Variants in SYCP1 observed in about 807,000 individuals in gnomAD.
SYCP1 encodes cancer/testis antigen 8.
Under a neutral mutation model 153.1 loss-of-function variants are expected in SYCP1, and 64 were observed. The observed-to-expected ratio is 0.42, with a 90% CI of 0.34 to 0.51. The LOEUF (loss-of-function observed/expected upper bound fraction) is 0.51. Ranked by LOEUF, SYCP1 falls within the 20% of genes least tolerant of loss-of-function variation. The probability of loss-of-function intolerance (pLI) is 0.06; values close to 1 mark genes in which losing one functional copy is unlikely to be tolerated. For missense variants in SYCP1, 997 were observed against 1,049.0 expected (o/e 0.95, Z 0.68); for synonymous variants, 384 against 341.8 (o/e 1.12, Z -1.36).
intron 6 of SYCP1, 84 bp from the exon 7 acceptor site, chr1:114,859,659 A>G (rs1664247813): frequency 4.1e-6 from 3 of 725,078 alleles, no homozygotes; most frequent in Middle Eastern, 2.9e-4. Context: ...GTGTATTAGT[A>G]AAGAAATACT....
chr1:114,930,516 G>C (rs896054252), intron 23 of SYCP1, among the ~76,000 whole-genome samples: 2 of 151,918 alleles, frequency 1.3e-5, no homozygotes, highest in African/African-American at 4.8e-5. Context: ...AGATAAGAAA[G>C]GGGGGACTGT....
At chr1:114,920,058 T>C (rs1263764400) in intron 20 of SYCP1, among the ~76,000 whole-genome samples, 2 of 152,008 alleles carry the variant, frequency 1.3e-5, no homozygotes, top group African/African-American at 4.8e-5. Flanking sequence ...CTTCTTTTTG[T>C]AGTTTTTTAA....
At chr1:114,976,567 C>T (rs1672803915) in intron 27 of SYCP1, among the ~76,000 whole-genome samples, 1 of 130,502 alleles carries the variant, frequency 7.7e-6, no homozygotes, top group Non-Finnish European at 1.8e-5. Context: ...CCCGTCTGTC[C>T]TCTAGAAGCC....
intron 16 of SYCP1, among the ~76,000 whole-genome samples, chr1:114,904,263 C>T (rs1390755584): frequency 6.6e-6 from 1 of 151,850 alleles, no homozygotes; most frequent in Non-Finnish European, 1.5e-5. Flanking sequence ...ACTACAGGTG[C>T]CCACCACCAC....
chr1:114,944,503 AT>A, intron 24 of SYCP1, 48 bp downstream of exon 24: 2 of 1,087,346 alleles, frequency 1.8e-6, no homozygotes, highest in Non-Finnish European at 2.6e-6. Context: ...AAAAATCTAT[AT>A]TTTTATTAGG....
At chr1:114,898,291 A>C (rs1667190918) in intron 16 of SYCP1, among the ~76,000 whole-genome samples, 1 of 152,214 alleles carries the variant, frequency 6.6e-6, no homozygotes, top group Admixed American at 6.5e-5. Context: ...GTCTTATGAC[A>C]TGCCCAGATA....
chr1:114,931,542 A>T (rs2101761401), intron 23 of SYCP1, among the ~76,000 whole-genome samples: 1 of 152,268 alleles, frequency 6.6e-6, no homozygotes, highest in South Asian at 2.1e-4. Flanking sequence ...CAAGACCCAT[A>T]CAGAGAACAG....
chr1:114,900,299 G>A (rs867918016), intron 16 of SYCP1, among the ~76,000 whole-genome samples: 104 of 148,024 alleles, frequency 7.0e-4, no homozygotes, highest in Admixed American at 2.4e-3. Flanking sequence ...TTTTTTTTTT[G>A]AGATGGAATT....
At chr1:114,955,646 T>A (rs1319049835) in intron 27 of SYCP1, among the ~76,000 whole-genome samples, 1 of 152,226 alleles carries the variant, frequency 6.6e-6, no homozygotes, top group Non-Finnish European at 1.5e-5. Flanking sequence ...ACAAGAATTC[T>A]GCACCTATCC....
intron 15 of SYCP1, among the ~76,000 whole-genome samples, chr1:114,888,152 G>A (rs758811904): frequency 6.6e-6 from 1 of 151,950 alleles, no homozygotes; most frequent in Admixed American, 6.6e-5. Flanking sequence ...TCATGGCCAC[G>A]AGAGAGACAT....
intron 11 of SYCP1, 29 bp downstream of exon 11, chr1:114,876,839 CT>C: frequency 8.0e-7 from 1 of 1,242,420 alleles, no homozygotes; most frequent in Non-Finnish European, 1.1e-6. Context: ...TCTTTGTATT[CT>C]TTATATTTGC....
At chr1:114,911,410 A>G in intron 17 of SYCP1, 69 bp from the exon 18 acceptor site, 1 of 1,243,328 alleles carries the variant, frequency 8.0e-7, no homozygotes, top group Non-Finnish European at 1.1e-6. Context: ...TTAATTACAC[A>G]GTGACTATAC....
At chr1:114,963,134 G>T (rs1022710058) in intron 27 of SYCP1, among the ~76,000 whole-genome samples, 1 of 152,142 alleles carries the variant, frequency 6.6e-6, no homozygotes, top group African/African-American at 2.4e-5. Context: ...TAGACAATTT[G>T]ATGACTATGT....
intron 23 of SYCP1, among the ~76,000 whole-genome samples, chr1:114,940,751 G>A (rs1670331919): frequency 6.6e-6 from 1 of 151,974 alleles, no homozygotes; most frequent in Non-Finnish European, 1.5e-5. Flanking sequence ...TTGTATAGTT[G>A]TTGGGTGTTT....
chr1:114,856,561 T>C lies in SYCP1; in HGVS notation c.109-12T>C, dbSNP rs376010150. 2.2e-4 allele frequency: 344 copies of C among 1,597,744 alleles called. No homozygotes were observed. Among genetic ancestry groups the C allele is most frequent in the Non-Finnish European group, 2.9e-4 (340 of 1,169,112 alleles). Reference sequence around the variant, plus strand: ...TGAAACAGAATATTTAAGAACTTCTTTGTGTCTCTAGAGTTTCAACAAATG... The same window carrying C: ...TGAAACAGAATATTTAAGAACTTCTCTGTGTCTCTAGAGTTTCAACAAATG... On this transcript the variant is annotated splice_polypyrimidine_tract_variant and intron_variant, in intron 2 of 31. Coordinates refer to ENST00000369522, the MANE Select transcript of SYCP1 (RefSeq NM_003176.4).
rs531244159 is a variant in SYCP1 at position 114,981,354 on chromosome 1, T to C, written c.2401T>C (p.Leu801=). 1.4e-5 allele frequency: 23 copies of C among 1,593,446 alleles called. No individual in the cohort carries two copies. The South Asian group carries it at 1.6e-4, about 11-fold the overall frequency. The change falls in exon 29 of 32, where the codon TTG becomes CTG. Residue 801 remains leucine (L), a synonymous_variant. Transcript: ENST00000369522. ...AATGCAGAAAACACAAACATTTTTA[T>C]TGGAAACACCTGAAATTTATTGGAA... ...KKDKKTQTFL[L]ETPEIYWKLD...
intron 15 of SYCP1, among the ~76,000 whole-genome samples, chr1:114,894,268 A>G (rs1303020325): frequency 6.6e-6 from 1 of 152,092 alleles, no homozygotes; most frequent in Non-Finnish European, 1.5e-5. Flanking sequence ...TTCTTTAAAG[A>G]CTGTGGACAA....
At chr1:114,926,985 C>G (rs943930848) in intron 23 of SYCP1, among the ~76,000 whole-genome samples, 2 of 152,048 alleles carry the variant, frequency 1.3e-5, no homozygotes, top group Non-Finnish European at 2.9e-5. Flanking sequence ...TAAAGCCTTA[C>G]AGTGTAAGCT....
chr1:114,953,327 A>T (rs147058884), intron 27 of SYCP1, among the ~76,000 whole-genome samples: 2 of 152,104 alleles, frequency 1.3e-5, no homozygotes, highest in African/African-American at 2.4e-5. Flanking sequence ...GATAAATTTT[A>T]ATTTCTCAGT....
Sources: allele counts gnomAD v4.1 joint callset (sites outside exome capture counted in the v4.1 genomes callset), GRCh38; gene constraint gnomAD v4.1.1; transcripts MANE v1.5; gene names NCBI Gene and HGNC (gene_info 2026-07-23, HGNC 2026-07-21).